The following GRM7 variants were observed in gnomAD, a reference collection of about 807,000 sequenced individuals.
The protein encoded by GRM7 is glutamate metabotropic receptor 7, also known as metabotropic glutamate receptor 7.
In GRM7, 35 loss-of-function variants were observed where a neutral mutation model predicts 84.5. That is an observed-to-expected ratio of 0.41 (90% confidence interval 0.32 to 0.55). GRM7 has a LOEUF of 0.55. GRM7 is among the 20% of genes least tolerant of loss of function. GRM7 has a pLI of 0.19. For synonymous variants in GRM7, 487 were observed against 455.1 expected (o/e 1.07, Z -0.89); for missense variants, 1,003 against 1,194.6 (o/e 0.84, Z 2.36).
At chr3:6,950,902 G>C (rs895233417) in intron 1 of GRM7, among the ~76,000 whole-genome samples, 2 of 152,308 alleles carry the variant, frequency 1.3e-5, no homozygotes, top group Admixed American at 6.5e-5. Flanking sequence ...AAGCCCTCTG[G>C]AAAAGTGCAG....
chr3:7,382,882 A>G (rs1054150222), intron 4 of GRM7, among the ~76,000 whole-genome samples: 1 of 152,340 alleles, frequency 6.6e-6, no homozygotes, highest in Admixed American at 6.5e-5. Context: ...ACTTTGGAAC[A>G]GATCATTTAC....
At chr3:7,611,912 A>C (rs1696866625) in intron 8 of GRM7, among the ~76,000 whole-genome samples, 1 of 152,218 alleles carries the variant, frequency 6.6e-6, no homozygotes, top group Admixed American at 6.5e-5. Context: ...ATCTATGAAC[A>C]AATCTGTAAA....
chr3:7,578,866 G>A lies in GRM7; in HGVS notation c.1960G>A (p.Val654Met). 1 of 1,614,140 alleles carries A rather than the reference G, an allele frequency of 6.2e-7. No individual in the cohort carries two copies. ...FLMIAKPDVA[V>M]CSFRRVFLGL... Reference sequence around the variant, plus strand: ...GATGATTGCCAAACCAGATGTGGCAGTGTGTTCTTTCCGGCGAGTTTTCTT... The same window carrying A: ...GATGATTGCCAAACCAGATGTGGCAATGTGTTCTTTCCGGCGAGTTTTCTT... Residue 654 changes from valine (V) to methionine (M), a missense_variant, in exon 8 of 10, where the codon GTG (valine) becomes ATG (methionine). By Grantham distance (21) the Val-to-Met change is conservative. This residue lies in a region of GRM7 where 910 missense variants were observed against 1,126.0 expected (regional missense o/e 0.81). Transcript: ENST00000357716.
intron 4 of GRM7, among the ~76,000 whole-genome samples, chr3:7,365,881 A>G (rs1159757323): frequency 6.6e-6 from 1 of 151,262 alleles, no homozygotes; most frequent in East Asian, 1.9e-4. Context: ...TCTCTGTGGA[A>G]TTGTGGCTAC....
chr3:7,332,546 A>G (rs560949496), intron 4 of GRM7, among the ~76,000 whole-genome samples: 61 of 152,304 alleles, frequency 4.0e-4, no homozygotes, highest in African/African-American at 1.3e-3. Context: ...AATCAATAAC[A>G]ACCAAGTCTT....
intron 2 of GRM7, among the ~76,000 whole-genome samples, chr3:7,176,441 C>A (rs1379425834): frequency 6.6e-6 from 1 of 151,690 alleles, no homozygotes; most frequent in Non-Finnish European, 1.5e-5. Flanking sequence ...GCAAATAAAT[C>A]CCAAGATGTG....
intron 2 of GRM7, among the ~76,000 whole-genome samples, chr3:7,193,665 C>CCT (rs139151825): frequency 0.32 from 48,418 of 149,920 alleles, 7,827 homozygotes; most frequent in Middle Eastern, 0.41. Flanking sequence ...ATTTCTCTTT[C>CCT]CTCTCTCTCT....
intron 1 of GRM7, among the ~76,000 whole-genome samples, chr3:6,933,669 A>G (rs948489688): frequency 1.3e-5 from 2 of 152,044 alleles, no homozygotes; most frequent in African/African-American, 4.8e-5. Flanking sequence ...AATAAAGATC[A>G]GTTATGTGCC....
At chr3:7,352,130 CCTGA>C (rs1425272185) in intron 4 of GRM7, among the ~76,000 whole-genome samples, 2 of 145,944 alleles carry the variant, frequency 1.4e-5, no homozygotes, top group African/African-American at 5.1e-5. Flanking sequence ...TCTGGAGAAC[CCTGA>C]CTAATATTTG....
At chr3:7,331,381 A>G (rs1024190495) in intron 4 of GRM7, among the ~76,000 whole-genome samples, 1 of 152,244 alleles carries the variant, frequency 6.6e-6, no homozygotes, top group African/African-American at 2.4e-5. Context: ...CTTGAAGAGC[A>G]GAATTAAATG....
intron 7 of GRM7, among the ~76,000 whole-genome samples, chr3:7,484,277 G>A (rs897266764): frequency 6.6e-6 from 1 of 152,172 alleles, no homozygotes; most frequent in Non-Finnish European, 1.5e-5. Flanking sequence ...CTTCAATGAG[G>A]CTGGAGAAGA....
chr3:7,435,452 A>C (rs114198573), intron 5 of GRM7, among the ~76,000 whole-genome samples: 88 of 152,022 alleles, frequency 5.8e-4, no homozygotes, highest in African/African-American at 2.0e-3. Context: ...CATTGTGCCC[A>C]GCTATGCCTT....
chr3:7,326,670 A>T (rs982266118), intron 4 of GRM7, among the ~76,000 whole-genome samples: 4 of 152,026 alleles, frequency 2.6e-5, no homozygotes, highest in African/African-American at 7.2e-5. Flanking sequence ...CAACATGGCG[A>T]AACCCCATTT....
At chr3:7,079,125 T>G (rs1698194551) in intron 1 of GRM7, among the ~76,000 whole-genome samples, 1 of 152,124 alleles carries the variant, frequency 6.6e-6, no homozygotes, top group Admixed American at 6.6e-5. Flanking sequence ...TATCCTTCTG[T>G]TTTATGTTAA....
At chr3:7,057,993 A>T (rs1454009699) in intron 1 of GRM7, among the ~76,000 whole-genome samples, 2 of 152,024 alleles carry the variant, frequency 1.3e-5, no homozygotes, top group Non-Finnish European at 2.9e-5. Context: ...ATAGTCTTTG[A>T]TCAGTTTTTT....
In GRM7 at chr3:7,102,801, G is replaced by A. The variant is rs117577121; in HGVS notation, c.520-43651G>A. On this transcript the variant is annotated intron_variant, in intron 1 of 9. Transcript: ENST00000357716. ...TATTTATCTGCTTTTCAGTTCAATG[G>A]CCCTTTCTTTGGCTATCTACAATGT... 4.1e-3 allele frequency among the ~76,000 whole-genome samples: 624 copies of A among 151,480 alleles called. 11 individuals carry two copies. In the East Asian group the frequency reaches 0.051, roughly 12 times the overall value.
chr3:7,329,737 G>A (rs1701125777), intron 4 of GRM7, among the ~76,000 whole-genome samples: 1 of 152,096 alleles, frequency 6.6e-6, no homozygotes, highest in South Asian at 2.1e-4. Flanking sequence ...GTGTATACGT[G>A]TGTGTGTTTA....
At chr3:7,395,508 C>T (rs1213580798) in intron 4 of GRM7, among the ~76,000 whole-genome samples, 1 of 152,134 alleles carries the variant, frequency 6.6e-6, no homozygotes, top group Non-Finnish European at 1.5e-5. Flanking sequence ...TGTGTCCCCA[C>T]CCAAATCTCA....
intron 2 of GRM7, among the ~76,000 whole-genome samples, chr3:7,198,631 T>C (rs1281797916): frequency 6.6e-6 from 1 of 152,200 alleles, no homozygotes; most frequent in Admixed American, 6.5e-5. Context: ...CATTAGCCTA[T>C]GTTGGGCAAA....
Sources: allele counts gnomAD v4.1 joint callset (sites outside exome capture counted in the v4.1 genomes callset), GRCh38; gene constraint gnomAD v4.1.1; regional missense constraint gnomAD v4.1.1; transcripts MANE v1.5; gene names NCBI Gene and HGNC (gene_info 2026-07-23, HGNC 2026-07-21).